ANP32A: variants seen among roughly 807,000 people sequenced by gnomAD.
ANP32A encodes the protein acidic nuclear phosphoprotein 32 family member A, also known as acidic leucine-rich nuclear phosphoprotein 32 family member A.
Under a neutral mutation model 33.9 loss-of-function variants are expected in ANP32A, and 1 was observed. The ratio of observed to expected loss-of-function variants is 0.03; its 90% confidence interval spans 0.01 to 0.14. The LOEUF (loss-of-function observed/expected upper bound fraction) is 0.14, where lower values mean the gene tolerates loss of function less well. ANP32A is among the 10% of genes least tolerant of loss of function. ANP32A has a pLI of 1.00. For synonymous variants in ANP32A, 115 were observed against 120.5 expected, an observed-to-expected ratio of 0.95 and a Z score of 0.30; for missense variants, 155 against 306.0, an observed-to-expected ratio of 0.51 and a Z score of 3.68.
At chr15:68,804,660 C>A (rs768952312) in intron 1 of ANP32A, among the ~76,000 whole-genome samples, 1 of 152,076 alleles carries the variant, frequency 6.6e-6, no homozygotes, top group Non-Finnish European at 1.5e-5. Flanking sequence ...GGATTACAGG[C>A]GCCCACCACC....
At chr15:68,792,946 T>A (rs1044944691) in intron 1 of ANP32A, among the ~76,000 whole-genome samples, 2 of 152,150 alleles carry the variant, frequency 1.3e-5, no homozygotes, top group Admixed American at 1.3e-4. Flanking sequence ...ACACATGACC[T>A]CCAAGGTTCT....
At chr15:68,793,291 A>G (rs2140363424) in intron 1 of ANP32A, among the ~76,000 whole-genome samples, 1 of 152,320 alleles carries the variant, frequency 6.6e-6, no homozygotes, top group South Asian at 2.1e-4. Context: ...CAACAGTATG[A>G]CGAATAAATG....
intron 1 of ANP32A, among the ~76,000 whole-genome samples, chr15:68,803,540 C>G (rs1894167602): frequency 6.6e-6 from 1 of 152,192 alleles, no homozygotes; most frequent in Non-Finnish European, 1.5e-5. Flanking sequence ...TCCAGACCCT[C>G]TTCAATATCT....
At chr15:68,814,312 C>T (rs1008641738) in intron 1 of ANP32A, among the ~76,000 whole-genome samples, 3 of 152,096 alleles carry the variant, frequency 2.0e-5, no homozygotes, top group Non-Finnish European at 2.9e-5. Flanking sequence ...GTAATCCCAG[C>T]GCTTTGGGAT....
At chr15:68,814,313 G>A (rs1019594036) in intron 1 of ANP32A, among the ~76,000 whole-genome samples, 2 of 152,042 alleles carry the variant, frequency 1.3e-5, no homozygotes, top group African/African-American at 2.4e-5. Context: ...TAATCCCAGC[G>A]CTTTGGGATG....
chr15:68,799,009 C>T (rs1894097017), intron 1 of ANP32A, among the ~76,000 whole-genome samples: 1 of 152,198 alleles, frequency 6.6e-6, no homozygotes, highest in Non-Finnish European at 1.5e-5. Context: ...CTATCCAAGG[C>T]CACAAAACAA....
intron 1 of ANP32A, among the ~76,000 whole-genome samples, chr15:68,804,605 T>G (rs1294816527): frequency 6.6e-6 from 1 of 152,248 alleles, no homozygotes; most frequent in Non-Finnish European, 1.5e-5. Context: ...CAATCTCGGT[T>G]CACTGCAACC....
chr15:68,797,727 G>C (rs1271783074), intron 1 of ANP32A, among the ~76,000 whole-genome samples: 1 of 152,128 alleles, frequency 6.6e-6, no homozygotes. Context: ...ATAGACAATG[G>C]AAATTTTACC....
Position 68,784,449 on chromosome 15 carries a change from C to G in ANP32A, c.474G>C (p.Ser158=), listed in dbSNP as rs142767490. The G allele has an allele frequency of 1.9e-6, 3 of 1,614,040 alleles. No homozygotes were observed. The highest frequency in any genetic ancestry group is 2.5e-6 in the Non-Finnish European group (3 of 1,180,038). Residue 158 remains serine (S), a synonymous_variant, in exon 4 of 7, where the codon TCG becomes TCC. Transcript: ENST00000465139. ...YDRDDKEAPD[S]DAEGYVEGLD... is the part of the protein sequence containing the mutation. ...GGCCCTCCACGTAGCCCTCAGCATC[C>G]GAGTCAGGGGCCTCCTTGTCGTCCC...
intron 1 of ANP32A, chr15:68,792,065 G>C (rs1894004146): frequency 6.6e-6 from 1 of 152,066 alleles, no homozygotes; most frequent in Non-Finnish European, 1.5e-5. Flanking sequence ...CTCTGTACTT[G>C]GTTCTAACCC....
chr15:68,812,478 A>G (rs531451332), intron 1 of ANP32A, among the ~76,000 whole-genome samples: 2 of 152,100 alleles, frequency 1.3e-5, no homozygotes, highest in Admixed American at 6.5e-5. Flanking sequence ...AGAAGGTTGG[A>G]GGGGAGAGAA....
intron 1 of ANP32A, 96 bp from the exon 2 acceptor site, chr15:68,788,015 G>T (rs954190714): frequency 7.0e-7 from 1 of 1,431,328 alleles, no homozygotes; most frequent in Admixed American, 1.8e-5. Context: ...GGAGACAGAC[G>T]CAGGAAGCAG....
chr15:68,820,774 A>C lies in ANP32A; in HGVS notation c.-23T>G, dbSNP rs1183184506. 2 of 1,613,884 alleles carry C rather than the reference A, an allele frequency of 1.2e-6. No individual in the cohort carries two copies. Among genetic ancestry groups the C allele is most frequent in the Non-Finnish European group, 1.7e-6 (2 of 1,179,870 alleles). On this transcript the variant is annotated 5_prime_UTR_variant, in exon 1 of 7. Coordinates refer to ENST00000465139, the MANE Select transcript of ANP32A (RefSeq NM_006305.4). Reference sequence around the variant, plus strand: ...CATCTCTCGCGCTCTCTCTCTGCAGAGGCTCCCGCGCCGGCGGAATTCAAT... The same window carrying C: ...CATCTCTCGCGCTCTCTCTCTGCAGCGGCTCCCGCGCCGGCGGAATTCAAT...
intron 1 of ANP32A, chr15:68,791,487 A>G (rs927660599): frequency 1.3e-5 from 2 of 152,610 alleles, no homozygotes; most frequent in African/African-American, 4.8e-5. Context: ...GGTGGGCACC[A>G]CCCCTAGAGG....
chr15:68,804,105 T>TA (rs1282906956), intron 1 of ANP32A, among the ~76,000 whole-genome samples: 1 of 152,110 alleles, frequency 6.6e-6, no homozygotes, highest in Non-Finnish European at 1.5e-5. Context: ...CGGCCCACAA[T>TA]AAAACATTTT....
chr15:68,808,401 C>T (rs1001876917), intron 1 of ANP32A, among the ~76,000 whole-genome samples: 23 of 152,340 alleles, frequency 1.5e-4, no homozygotes, highest in Non-Finnish European at 3.1e-4. Flanking sequence ...ATCACTCCAG[C>T]TCCACCACAG....
intron 1 of ANP32A, among the ~76,000 whole-genome samples, chr15:68,813,605 G>A (rs902886612): frequency 2.6e-5 from 4 of 152,220 alleles, no homozygotes; most frequent in African/African-American, 9.6e-5. Flanking sequence ...TAGGAGACCA[G>A]AGAACTAGCT....
chr15:68,808,408 A>T (rs1894267554), intron 1 of ANP32A, among the ~76,000 whole-genome samples: 2 of 152,144 alleles, frequency 1.3e-5, no homozygotes, highest in Admixed American at 6.6e-5. Context: ...CAGCTCCACC[A>T]CAGGAGCCAG....
In ANP32A at chr15:68,783,047, T is replaced by A; in HGVS notation, c.533A>T (p.Glu178Val). The A allele has an allele frequency of 6.4e-7, 1 of 1,551,618 alleles. No homozygotes were observed. Among genetic ancestry groups the A allele is most frequent in the Middle Eastern group, 1.7e-4 (1 of 5,994 alleles). ...CACTACCTGAGCATCTTCATCATAC[T>A]CCTCCTCTGTGCAATCGAAATGGGG... ...DDEEEDEDEE[E>V]YDEDAQVVED... is the part of the protein sequence containing the mutation. Residue 178 changes from glutamate (E) to valine (V), a missense_variant, in exon 5 of 7, where the codon GAG becomes GTG. By Grantham distance (121) the Glu-to-Val change is moderately radical. Around this residue, in one of 4 missense-constraint regions of ANP32A, gnomAD observed 85 missense variants for 183.8 expected, o/e 0.46. Transcript: ENST00000465139.
Sources: gnomAD v4.1 joint callset for allele counts (sites outside exome capture counted in the v4.1 genomes callset) on GRCh38, gnomAD v4.1.1 for gene constraint, gnomAD v4.1.1 regional missense constraint, MANE v1.5 for transcripts, NCBI Gene and HGNC (gene_info 2026-07-23, HGNC 2026-07-21) for gene names.